TRIQK: variants seen among roughly 807,000 people sequenced by gnomAD.
The protein encoded by TRIQK is triple QxxK/R motif containing.
Under a neutral mutation model 10.8 loss-of-function variants are expected in TRIQK, and 10 were observed. That is an observed-to-expected ratio of 0.92 (90% CI 0.57 to 1.57). The LOEUF is 1.57. Among genes scored for constraint, TRIQK ranks in the 40% most tolerant of loss-of-function variants. TRIQK has a pLI of 0.00. For missense variants in TRIQK, 107 were observed against 97.7 expected (o/e 1.09, Z -0.40); for synonymous variants, 33 against 33.7 (o/e 0.98, Z 0.07).
intron 2 of TRIQK, among the ~76,000 whole-genome samples, chr8:92,936,410 A>T (rs1370752958): frequency 1.3e-5 from 2 of 151,698 alleles, no homozygotes; most frequent in Non-Finnish European, 3.0e-5. Flanking sequence ...TAAAAGTTAC[A>T]TTCAATACCC....
At chr8:92,996,744 A>C in intron 1 of TRIQK, among the ~76,000 whole-genome samples, 1 of 152,044 alleles carries the variant, frequency 6.6e-6, no homozygotes, top group East Asian at 1.9e-4. Context: ...CTAAAGGATT[A>C]GAGCTTGGGT....
intron 3 of TRIQK, among the ~76,000 whole-genome samples, chr8:92,907,408 T>G (rs1809333366): frequency 6.6e-6 from 1 of 152,200 alleles, no homozygotes; most frequent in South Asian, 2.1e-4. Context: ...CAAACCAAAC[T>G]AGTTCTTCTC....
intron 1 of TRIQK, among the ~76,000 whole-genome samples, chr8:92,999,702 T>C: frequency 1.3e-5 from 2 of 152,286 alleles, no homozygotes; most frequent in Middle Eastern, 6.8e-3. Context: ...TATAAATAAT[T>C]TATTATTTTC....
At chr8:92,980,770 G>A (rs1812978859) in intron 1 of TRIQK, among the ~76,000 whole-genome samples, 1 of 149,934 alleles carries the variant, frequency 6.7e-6, no homozygotes, top group African/African-American at 2.4e-5. Context: ...GATTCATAAT[G>A]TGTTTCTCCT....
At chr8:92,982,074 A>G (rs1043882635) in intron 1 of TRIQK, among the ~76,000 whole-genome samples, 1 of 151,760 alleles carries the variant, frequency 6.6e-6, no homozygotes, top group Non-Finnish European at 1.5e-5. Context: ...AGATATCTAA[A>G]AATAAGTTTA....
chr8:92,967,312 C>A (rs1812791240), upstream of TRIQK, among the ~76,000 whole-genome samples: 1 of 151,736 alleles, frequency 6.6e-6, no homozygotes. Context: ...AAAAAGAGTA[C>A]CTCTGGACAA....
chr8:92,900,946 T>A, intron 3 of TRIQK, among the ~76,000 whole-genome samples: 1 of 152,104 alleles, frequency 6.6e-6, no homozygotes, highest in East Asian at 1.9e-4. Flanking sequence ...ATTATAGAAA[T>A]CTTTAACTTA....
Position 92,886,755 on chromosome 8 carries a change from A to G in TRIQK, c.148-20T>C. ...AACTTCCTGGGAAGAAAAAAAAAGT[A>G]GACTTGAAATTGATGAAAAAAGATT... On this transcript the variant is annotated intron_variant, in intron 4 of 4. Coordinates refer to ENST00000521988, the MANE Select transcript of TRIQK (RefSeq NM_001171797.2). 7.3e-7 allele frequency: 1 copy of G among 1,361,716 alleles called. No individual in the cohort carries two copies. The highest frequency in any genetic ancestry group is 1.0e-6 in the Non-Finnish European group (1 of 990,650). 84.4% of individuals were successfully genotyped at this position (1,361,716 alleles called of 1,614,324 possible). A position where few individuals can be genotyped will look rare whatever the true frequency, so the allele number is the denominator to read the frequency against.
intron 1 of TRIQK, among the ~76,000 whole-genome samples, chr8:92,982,239 T>A (rs1171122343): frequency 2.6e-5 from 4 of 151,916 alleles, no homozygotes; most frequent in Non-Finnish European, 5.9e-5. Context: ...CAGTACTACA[T>A]CACCTGGATA....
chr8:92,971,768 G>A (rs554425800), intron 1 of TRIQK, among the ~76,000 whole-genome samples: 1 of 152,148 alleles, frequency 6.6e-6, no homozygotes, highest in African/African-American at 2.4e-5. Context: ...AACTACCATC[G>A]ACAGTCTTCA....
At chr8:92,972,565 A>T (rs1812886285) in intron 1 of TRIQK, 1 of 152,366 alleles carries the variant, frequency 6.6e-6, no homozygotes, top group Non-Finnish European at 1.5e-5. Flanking sequence ...TTTTCTGCCT[A>T]GCTCCAACTT....
At chr8:92,939,765 G>A (rs547955166) in intron 2 of TRIQK, among the ~76,000 whole-genome samples, 68 of 152,152 alleles carry the variant, frequency 4.5e-4, no homozygotes, top group African/African-American at 1.6e-3. Flanking sequence ...TGCTTGATCC[G>A]AGAGGTCAAA....
chr8:92,920,952 C>T (rs1002352595), intron 2 of TRIQK, among the ~76,000 whole-genome samples: 1 of 151,378 alleles, frequency 6.6e-6, no homozygotes. Flanking sequence ...GAGGGGAGAG[C>T]CATGAAGAAT....
intron 1 of TRIQK, among the ~76,000 whole-genome samples, chr8:93,011,278 T>A (rs1179825650): frequency 2.6e-5 from 4 of 151,806 alleles, no homozygotes; most frequent in African/African-American, 9.7e-5. Flanking sequence ...CTAAAATAGC[T>A]AAAAGAGAGG....
At chr8:92,897,647 T>C (rs906784207) in intron 3 of TRIQK, among the ~76,000 whole-genome samples, 2 of 152,162 alleles carry the variant, frequency 1.3e-5, no homozygotes, top group African/African-American at 2.4e-5. Flanking sequence ...CTTTTCTTTA[T>C]AAATTACCCA....
chr8:92,972,382 T>C (rs545223169), intron 1 of TRIQK, among the ~76,000 whole-genome samples: 1 of 152,350 alleles, frequency 6.6e-6, no homozygotes, highest in East Asian at 1.9e-4. Flanking sequence ...ATGTTTAGAC[T>C]TCCAGTTTGT....
intron 3 of TRIQK, among the ~76,000 whole-genome samples, chr8:92,894,955 T>C (rs564541408): frequency 6.6e-6 from 1 of 152,180 alleles, no homozygotes; most frequent in Non-Finnish European, 1.5e-5. Flanking sequence ...GTTTAATGTG[T>C]CCCCCAAAAT....
At chr8:92,938,028 G>T (rs894271705) in intron 2 of TRIQK, among the ~76,000 whole-genome samples, 1 of 151,742 alleles carries the variant, frequency 6.6e-6, no homozygotes, top group Non-Finnish European at 1.5e-5. Flanking sequence ...AACATTACTT[G>T]CAGTGCAAGT....
rs190976443 is a variant in TRIQK at position 92,939,282 on chromosome 8, G to A, written c.-22+15124C>T. ...AAATGCCCTGGTTGATTATGAAGAC[G>A]TGCCATTCTGAGTGGTCCAAACCTT... On this transcript the variant is annotated intron_variant, in intron 2 of 4. Transcript: ENST00000521988. 1.2e-4 allele frequency among the ~76,000 whole-genome samples: 18 copies of A among 152,222 alleles called. No homozygotes were observed. In the East Asian group the frequency reaches 1.9e-3, roughly 16 times the overall value.
Sources: allele counts gnomAD v4.1 joint callset (sites outside exome capture counted in the v4.1 genomes callset), GRCh38; gene constraint gnomAD v4.1.1; transcripts MANE v1.5; gene names NCBI Gene and HGNC (gene_info 2026-07-23, HGNC 2026-07-21).